MYH11: variants seen among roughly 807,000 people sequenced by gnomAD.
MYH11 encodes myosin-11.
MYH11 carries 80 observed loss-of-function variants against 246.6 expected under a neutral mutation model. The ratio of observed to expected loss-of-function variants is 0.32; its 90% CI spans 0.27 to 0.39. The LOEUF is 0.39. MYH11 is among the 10% of genes least tolerant of loss of function. The probability of loss-of-function intolerance (pLI) is 1.00; values close to 1 mark genes in which losing one functional copy is unlikely to be tolerated. For missense variants in MYH11, 2,158 were observed against 2,546.8 expected (o/e 0.85, Z 3.29); for synonymous variants, 1,071 against 1,015.5 (o/e 1.05, Z -1.04).
Position 15,735,477 on chromosome 16 carries a change from G to C in MYH11, c.3395C>G (p.Ala1132Gly). 6.2e-7 allele frequency: 1 copy of C among 1,614,102 alleles called. No homozygotes were observed. ...CTGCTTTTCAGCCTTGTTCCTGGCG[G>C]CCCGCTCTGAGTCCAGGTCCTCCTG... ...DLQEDLDSER[A>G]ARNKAEKQKR... Residue 1132 changes from alanine to glycine, a missense_variant, in exon 26 of 41, where the codon GCC (alanine) becomes GGC (glycine). Ala to Gly is a moderately conservative substitution (Grantham distance 60). Around this residue, in one of 11 missense-constraint regions of MYH11, gnomAD observed 284 missense variants for 315.4 expected, o/e 0.90. Coordinates refer to ENST00000300036, the MANE Select transcript of MYH11 (RefSeq NM_002474.3).
At chr16:15,738,489 G>A (rs946099698) in intron 24 of MYH11, 76 bp downstream of exon 24, 11 of 1,410,528 alleles carry the variant, frequency 7.8e-6, no homozygotes, top group Admixed American at 3.9e-5. Context: ...CTGCAGCCTG[G>A]GCAACAGAGC....
intron 2 of MYH11, among the ~76,000 whole-genome samples, chr16:15,824,238 G>T (rs112287338): frequency 1.3e-5 from 2 of 151,962 alleles, no homozygotes; most frequent in Non-Finnish European, 2.9e-5. Context: ...AGTGACGGGA[G>T]CAGTTAAGTC....
At chr16:15,751,872 C>G (rs544250894) in intron 15 of MYH11, among the ~76,000 whole-genome samples, 15 of 152,198 alleles carry the variant, frequency 9.9e-5, no homozygotes, top group African/African-American at 3.4e-4. Context: ...AATCTCAGCT[C>G]ACTGCAACCT....
rs2151274961 is a variant in MYH11 at position 15,757,953 on chromosome 16, C to T, written c.1449G>A (p.Leu483=). The change falls in exon 13 of 41, where the codon CTG becomes CTA. Residue 483 remains leucine, a synonymous_variant. Transcript: ENST00000300036. ...QLCINYTNEK[L]QQLFNHTMFI... ...ACATGGTGTGGTTGAAGAGCTGCTG[C>T]AGCTTCTCGTTGGTGTAGTTGATGC... The T allele has an allele frequency of 6.2e-7, 1 of 1,614,240 alleles. No homozygotes were observed. The highest frequency in any genetic ancestry group is 1.7e-4 in the Middle Eastern group (1 of 6,048).
At chr16:15,720,030 C>G (rs1024719958) in intron 34 of MYH11, 121 bp downstream of exon 34, 5 of 1,377,680 alleles carry the variant, frequency 3.6e-6, no homozygotes, top group Non-Finnish European at 5.1e-6. Flanking sequence ...AAAACCCCAG[C>G]TGAACCCACA....
In MYH11 at chr16:15,711,795, C is replaced by T. The variant is rs146305374; in HGVS notation, c.5786+3114G>A. Among the ~76,000 whole-genome samples the T allele has an allele frequency of 4.3e-3, 647 of 152,150 alleles. 1 individual carries two copies. Among genetic ancestry groups the T allele is most frequent in the African/African-American group, 0.013 (546 of 41,510 alleles). Reference sequence around the variant, plus strand: ...GTAACCTGTGTCTCCCAGGTTCAAGCGATTCTCCTGCCTCAGCCTCCCTAG... The same window carrying T: ...GTAACCTGTGTCTCCCAGGTTCAAGTGATTCTCCTGCCTCAGCCTCCCTAG... On this transcript the variant is annotated intron_variant, in intron 40 of 40. Coordinates refer to ENST00000300036, the MANE Select transcript of MYH11 (RefSeq NM_002474.3).
chr16:15,828,803 AGAAG>A (rs370774038), intron 2 of MYH11, among the ~76,000 whole-genome samples: 7 of 143,684 alleles, frequency 4.9e-5, no homozygotes, highest in African/African-American at 1.1e-4. Context: ...AAAAAAAAAA[AGAAG>A]GAAGGAAGGA....
Position 15,735,435 on chromosome 16 carries a change from T to G in MYH11, c.3437A>C (p.Glu1146Ala). Residue 1146 changes from glutamate to alanine, a missense_variant, in exon 26 of 41, where the codon GAG becomes GCG. By Grantham distance (107) the Glu-to-Ala change is moderately radical. Around this residue, in one of 11 missense-constraint regions of MYH11, gnomAD observed 284 missense variants for 315.4 expected, o/e 0.90. Coordinates refer to ENST00000300036, the MANE Select transcript of MYH11 (RefSeq NM_002474.3). ...KAEKQKRDLG[E>A]ELEALKTELE... is the part of the protein sequence containing the mutation. ...CTCTGTCTTTAGGGCCTCCAGCTCC[T>G]CGCCGAGGTCTCGCTTCTGCTTTTC... The G allele has an allele frequency of 6.2e-7, 1 of 1,614,104 alleles. No individual in the cohort carries two copies. Among genetic ancestry groups the G allele is most frequent in the South Asian group, 1.1e-5 (1 of 91,082 alleles).
At chr16:15,776,339 C>T (rs1358924135) in intron 7 of MYH11, among the ~76,000 whole-genome samples, 163 bp from the exon 8 acceptor site, 2 of 151,928 alleles carry the variant, frequency 1.3e-5, no homozygotes, top group African/African-American at 2.4e-5. Flanking sequence ...CAAATGGAAC[C>T]GCTGGGTGCT....
At chr16:15,778,205 T>C (rs1567753472) in intron 7 of MYH11, among the ~76,000 whole-genome samples, 1 of 152,288 alleles carries the variant, frequency 6.6e-6, no homozygotes, top group East Asian at 1.9e-4. Flanking sequence ...GATGCTCTAC[T>C]TGTTCCTTGC....
chr16:15,743,610 C>T (rs2041336713), intron 20 of MYH11, among the ~76,000 whole-genome samples: 1 of 152,232 alleles, frequency 6.6e-6, no homozygotes, highest in Non-Finnish European at 1.5e-5. Context: ...GAAGCCCCTG[C>T]TATGTACTCC....
intron 27 of MYH11, among the ~76,000 whole-genome samples, chr16:15,730,356 A>G (rs1299997889): frequency 1.4e-5 from 2 of 146,392 alleles, no homozygotes; most frequent in Non-Finnish European, 3.0e-5. Context: ...ACATGGCAAA[A>G]CCCCATCTCT....
At chr16:15,828,601 T>C (rs899045758) in intron 2 of MYH11, among the ~76,000 whole-genome samples, 1 of 152,026 alleles carries the variant, frequency 6.6e-6, no homozygotes, top group Non-Finnish European at 1.5e-5. Flanking sequence ...GAGACCAGCC[T>C]GGCCAACATG....
chr16:15,790,539 C>A (rs148222576), intron 4 of MYH11, among the ~76,000 whole-genome samples: 3,817 of 152,192 alleles, frequency 0.025, 158 homozygotes, highest in African/African-American at 0.086. Context: ...GCTCCAGGCT[C>A]GTGGGCGTCT....
chr16:15,831,646 A>G (rs1266197682), intron 2 of MYH11, among the ~76,000 whole-genome samples: 4 of 152,148 alleles, frequency 2.6e-5, no homozygotes, highest in Non-Finnish European at 5.9e-5. Flanking sequence ...TAATGACTTG[A>G]AAGATCAGAA....
chr16:15,716,856 C>T (rs1022769562), intron 38 of MYH11, among the ~76,000 whole-genome samples: 2 of 152,176 alleles, frequency 1.3e-5, no homozygotes, highest in African/African-American at 2.4e-5. Flanking sequence ...CCTGCAGAGG[C>T]TGGGAAAAGT....
intron 1 of MYH11, among the ~76,000 whole-genome samples, chr16:15,841,886 T>G (rs757520532): frequency 2.0e-5 from 3 of 152,170 alleles, no homozygotes; most frequent in Non-Finnish European, 4.4e-5. Context: ...TTGAATTCAC[T>G]GATAATCCCC....
chr16:15,782,714 A>G (rs2042384969), intron 5 of MYH11: 1 of 514,292 alleles, frequency 1.9e-6, no homozygotes, highest in Non-Finnish European at 3.5e-6. Context: ...ACTTTTTTCA[A>G]GACCAGGGCC....
In MYH11 at chr16:15,856,484, G is replaced by A. The variant is rs79689921; in HGVS notation, c.-18+457C>T. Among the ~76,000 whole-genome samples, 180 of 152,208 alleles carry A rather than the reference G, an allele frequency of 1.2e-3. 1 individual carries two copies. The highest frequency in any genetic ancestry group is 2.3e-3 in the South Asian group (11 of 4,814). On this transcript the variant is annotated intron_variant, in intron 1 of 40. Coordinates refer to ENST00000300036, the MANE Select transcript of MYH11 (RefSeq NM_002474.3). ...CTGTGTGATAGCAAGTGACTTTTCA[G>A]TGAAGTTCAGCTGTAAATTTTTTGG...
Sources: allele counts gnomAD v4.1 joint callset (sites outside exome capture counted in the v4.1 genomes callset), GRCh38; gene constraint gnomAD v4.1.1; regional missense constraint gnomAD v4.1.1; transcripts MANE v1.5; gene names NCBI Gene and HGNC (gene_info 2026-07-23, HGNC 2026-07-21).